Variants in SGK1 observed in about 807,000 individuals in gnomAD.
The protein encoded by SGK1 is serine/threonine-protein kinase Sgk1.
A neutral mutation model predicts 64.2 loss-of-function variants in SGK1; 26 were observed. That is an observed-to-expected ratio of 0.40 (90% confidence interval 0.30 to 0.56). The LOEUF is 0.56. SGK1 is among the 20% of genes least tolerant of loss of function. The probability of loss-of-function intolerance (pLI) is 0.38; values close to 1 mark genes in which losing one functional copy is unlikely to be tolerated. For missense variants in SGK1, 519 were observed against 645.6 expected, an observed-to-expected ratio of 0.80 and a Z score of 2.12; for synonymous variants, 265 against 239.7, an observed-to-expected ratio of 1.11 and a Z score of -0.98.
At chr6:134,305,976 G>T (rs759169422) in intron 1 of SGK1, among the ~76,000 whole-genome samples, 7 of 152,000 alleles carry the variant, frequency 4.6e-5, no homozygotes, top group African/African-American at 9.7e-5. Context: ...ACCCCCCAGG[G>T]GCCAGGTCCT....
chr6:134,191,285 G>A (rs1424231482), intron 3 of SGK1, among the ~76,000 whole-genome samples: 1 of 152,030 alleles, frequency 6.6e-6, no homozygotes, highest in Non-Finnish European at 1.5e-5. Context: ...TTTACCAAGG[G>A]CAAAAAAATC....
At chr6:134,227,347 CT>C (rs751393745) in intron 2 of SGK1, among the ~76,000 whole-genome samples, 4 of 152,126 alleles carry the variant, frequency 2.6e-5, no homozygotes, top group Non-Finnish European at 5.9e-5. Context: ...CTTGGCCAGG[CT>C]AGTCTTGAAC....
intron 3 of SGK1, among the ~76,000 whole-genome samples, chr6:134,184,846 G>A (rs555785624): frequency 1.3e-5 from 2 of 152,170 alleles, no homozygotes; most frequent in Admixed American, 1.3e-4. Flanking sequence ...ACCATGCCTG[G>A]CTTATATTTT....
At chr6:134,264,572 A>T (rs1776821031) in intron 1 of SGK1, among the ~76,000 whole-genome samples, 1 of 152,220 alleles carries the variant, frequency 6.6e-6, no homozygotes, top group Non-Finnish European at 1.5e-5. Flanking sequence ...ATTAGCCTAT[A>T]GCAAAAGGAC....
rs144679939 is a variant in SGK1 at position 134,271,116 on chromosome 6, A to T, written c.70-8968T>A. 1.9e-3 allele frequency among the ~76,000 whole-genome samples: 253 copies of T among 131,308 alleles called. 13 individuals are homozygous for T. The highest frequency in any genetic ancestry group is 5.9e-3 in the African/African-American group (237 of 39,898). The allele number at this position is 131,308 out of a possible 152,430, so 86.1% of individuals were successfully genotyped here. ...CAGATCACCTAAGGTCAGGAGTTTG[A>T]GACCAGTCTGGCCAACATATAGTGA... On this transcript the variant is annotated intron_variant, in intron 1 of 13. Coordinates refer to ENST00000367858, the MANE Select transcript of SGK1 (RefSeq NM_001143676.3).
chr6:134,261,307 T>C (rs1034528592), intron 2 of SGK1: 6 of 154,594 alleles, frequency 3.9e-5, no homozygotes, highest in African/African-American at 1.4e-4. Flanking sequence ...ATCTAAGACT[T>C]GATCTCCTGT....
At chr6:134,286,614 G>A (rs1272097423) in intron 1 of SGK1, among the ~76,000 whole-genome samples, 1 of 151,780 alleles carries the variant, frequency 6.6e-6, no homozygotes, top group East Asian at 1.9e-4. Context: ...CTACAGGCTG[G>A]GACACGATGC....
intron 3 of SGK1, among the ~76,000 whole-genome samples, chr6:134,179,105 A>G (rs566413962): frequency 1.9e-4 from 29 of 152,216 alleles, no homozygotes; most frequent in African/African-American, 7.0e-4. Context: ...TAAATTATTG[A>G]TATTTCTCAA....
At chr6:134,238,335 A>G (rs1776394056) in intron 2 of SGK1, among the ~76,000 whole-genome samples, 1 of 152,192 alleles carries the variant, frequency 6.6e-6, no homozygotes, top group African/African-American at 2.4e-5. Context: ...AATGACAAGG[A>G]TTAGATATAA....
At chr6:134,311,745 T>C (rs952210204) in intron 1 of SGK1, among the ~76,000 whole-genome samples, 3 of 152,192 alleles carry the variant, frequency 2.0e-5, no homozygotes, top group Non-Finnish European at 4.4e-5. Flanking sequence ...GACCATGTGC[T>C]GTGTTGTGGG....
At chr6:134,296,619 TG>T (rs555948825) in intron 1 of SGK1, among the ~76,000 whole-genome samples, 114 of 152,168 alleles carry the variant, frequency 7.5e-4, no homozygotes, top group African/African-American at 2.6e-3. Flanking sequence ...ACACCATGCC[TG>T]GCCCATTTTG....
chr6:134,258,247 G>A (rs890727399), intron 2 of SGK1, among the ~76,000 whole-genome samples: 2 of 151,768 alleles, frequency 1.3e-5, no homozygotes, highest in African/African-American at 4.8e-5. Flanking sequence ...AGGAACACAG[G>A]AATCCACCAC....
chr6:134,186,187 C>T (rs1775420967), intron 3 of SGK1, among the ~76,000 whole-genome samples: 1 of 152,204 alleles, frequency 6.6e-6, no homozygotes, highest in Non-Finnish European at 1.5e-5. Flanking sequence ...CACACTTAAT[C>T]TCCAAATAAA....
chr6:134,215,707 C>T (rs1157391300), intron 2 of SGK1, among the ~76,000 whole-genome samples: 1 of 151,606 alleles, frequency 6.6e-6, no homozygotes, highest in Non-Finnish European at 1.5e-5. Flanking sequence ...ATGGCAAAAC[C>T]CCGTCTCTAC....
chr6:134,213,636 A>AAATAAATAAATAAATAAAT (rs1775929139), intron 2 of SGK1, among the ~76,000 whole-genome samples: 1 of 119,286 alleles, frequency 8.4e-6, no homozygotes, highest in African/African-American at 3.5e-5. Context: ...ATAAATAAAT[A>AAATAAATAAATAAATAAAT]AATAAATAAT....
chr6:134,225,113 G>T (rs1776151054), intron 2 of SGK1, among the ~76,000 whole-genome samples: 1 of 151,796 alleles, frequency 6.6e-6, no homozygotes, highest in Admixed American at 6.6e-5. Flanking sequence ...ACTTTGGGAG[G>T]CCGAGGCAGG....
At chr6:134,316,055 G>A (rs1362927438) in intron 1 of SGK1, among the ~76,000 whole-genome samples, 1 of 152,222 alleles carries the variant, frequency 6.6e-6, no homozygotes, top group Admixed American at 6.5e-5. Flanking sequence ...CCCACTCCAA[G>A]AGCAGGGGCC....
intron 3 of SGK1, among the ~76,000 whole-genome samples, chr6:134,181,270 T>C (rs988686281): frequency 4.6e-5 from 7 of 152,230 alleles, no homozygotes; most frequent in African/African-American, 1.4e-4. Flanking sequence ...TTTGTCAAAC[T>C]AAAGTGAAAC....
chr6:134,289,015 T>TA (rs1160499899), intron 1 of SGK1, among the ~76,000 whole-genome samples: 2 of 152,226 alleles, frequency 1.3e-5, no homozygotes, highest in East Asian at 3.8e-4. Context: ...TTTCCACAGA[T>TA]ACAGTGAGAA....
Sources: allele counts gnomAD v4.1 joint callset (sites outside exome capture counted in the v4.1 genomes callset), GRCh38; gene constraint gnomAD v4.1.1; transcripts MANE v1.5; gene names NCBI Gene and HGNC (gene_info 2026-07-23, HGNC 2026-07-21).